Variants in PALM3 observed in about 807,000 individuals in gnomAD.
PALM3 encodes paralemmin-3.
PALM3 carries 20 observed loss-of-function variants against 27.9 expected under a neutral mutation model. The ratio of observed to expected loss-of-function variants is 0.72; its 90% CI spans 0.50 to 1.04. The LOEUF (loss-of-function observed/expected upper bound fraction) is 1.04. Among genes scored for constraint, PALM3 ranks in the 50% least tolerant of loss-of-function variants. The probability of loss-of-function intolerance (pLI) is 0.00; values close to 1 mark genes in which losing one functional copy is unlikely to be tolerated. For synonymous variants in PALM3, 328 were observed against 352.7 expected, an observed-to-expected ratio of 0.93 and a Z score of 0.79; for missense variants, 814 against 869.4, an observed-to-expected ratio of 0.94 and a Z score of 0.80.
chr19:14,058,261 G>A (rs1338921865), intron 2 of PALM3, among the ~76,000 whole-genome samples: 2 of 146,854 alleles, frequency 1.4e-5, no homozygotes, highest in African/African-American at 2.5e-5. Context: ...CAGAAGTGGG[G>A]TACAGTGAGA....
chr19:14,057,730 AG>A (rs1976335967), intron 2 of PALM3: 1 of 4,326 alleles, frequency 2.3e-4, no homozygotes, highest in Admixed American at 2.0e-3. Flanking sequence ...TGGGGGGTGT[AG>A]GGGGTGGGGC....
At chr19:14,055,496 C>T in intron 5 of PALM3, 71 bp from the exon 6 acceptor site, 1 of 1,472,846 alleles carries the variant, frequency 6.8e-7, no homozygotes, top group Non-Finnish European at 9.3e-7. Flanking sequence ...ATGCTAGGCT[C>T]CCACCCCACC....
In PALM3 at chr19:14,054,919, C is replaced by T. The variant is rs1002797197; in HGVS notation, c.753G>A (p.Thr251=). The change falls in exon 7 of 7, where the codon ACG becomes ACA. Residue 251 remains threonine, a synonymous_variant. Coordinates refer to ENST00000669674, the MANE Select transcript of PALM3 (RefSeq NM_001145028.2). ...CCACCTTAGCCTCCAGCTCGGGGCC[C>T]GTGGCCCCTGTGGCACAGTCCTCTG... ...RATEDCATGA[T]GPELEAKVEE... is the part of the protein sequence containing the mutation. 2.0e-5 allele frequency: 31 copies of T among 1,549,274 alleles called. No homozygotes were observed. The East Asian group carries it at 3.2e-4, about 16-fold the overall frequency.
In PALM3 at chr19:14,053,905, T is replaced by TCCTTCCTGG. The variant is rs1342710580; in HGVS notation, c.1766_1767insCCAGGAAGG (p.Gly589_Pro590insGlnGluGly). On this transcript the variant is annotated inframe_insertion, in exon 7 of 7. Transcript: ENST00000669674. ...CTACTGGCTTCTCCTGGGGCTGGGG[T>TCCTTCCTGG]CCTTCCTTCTCTGGCCTTGTCTCCG... 25 of 1,551,218 alleles carry TCCTTCCTGG rather than the reference T, an allele frequency of 1.6e-5. No individual in the cohort carries two copies. In the Admixed American group the frequency reaches 4.9e-4, roughly 30 times the overall value.
chr19:14,059,226 A>T, intron 1 of PALM3, 63 bp from the exon 2 acceptor site: 7 of 1,390,464 alleles, frequency 5.0e-6, no homozygotes, highest in Non-Finnish European at 5.7e-6. Context: ...CTTGGCCAAG[A>T]TCCCTGAGCA....
intron 6 of PALM3, 49 bp from the exon 7 acceptor site, chr19:14,055,275 T>TAAGATGGGACAAAAGGGAAGACAGGGTG: frequency 6.6e-7 from 1 of 1,525,518 alleles, no homozygotes; most frequent in Non-Finnish European, 8.8e-7. Context: ...AAGACAGGGT[T>TAAGATGGGACAAAAGGGAAGACAGGGTG]AAGATGGAAC....
In PALM3 at chr19:14,053,461, G is replaced by C; in HGVS notation, c.*144C>G. On this transcript the variant is annotated 3_prime_UTR_variant, in exon 7 of 7. Coordinates refer to ENST00000669674, the MANE Select transcript of PALM3 (RefSeq NM_001145028.2). ...GTGGGCAAGGGGTCTGGAAGCCCAG[G>C]TTTAGGTGGACGTGCAGGCTAGCTG... is the stretch of plus-strand genomic sequence containing the variant. 1.0e-6 allele frequency: 1 copy of C among 957,548 alleles called. No individual in the cohort carries two copies. The highest frequency in any genetic ancestry group is 1.7e-5 in the African/African-American group (1 of 60,044). The allele number at this position is 957,548 out of a possible 1,614,324, so 59.3% of individuals were successfully genotyped here.
At chr19:14,056,828 G>A in intron 3 of PALM3, 24 bp from the exon 4 acceptor site, 1 of 1,530,980 alleles carries the variant, frequency 6.5e-7, no homozygotes, top group South Asian at 1.3e-5. Flanking sequence ...GGGAGTTGGG[G>A]CTGGGCATAC....
chr19:14,056,708 C>T lies in PALM3; in HGVS notation c.268G>A (p.Gly90Ser), dbSNP rs1368148956. 3 of 1,551,640 alleles carry T rather than the reference C, an allele frequency of 1.9e-6. No individual in the cohort carries two copies. In the Admixed American group the frequency reaches 5.9e-5, roughly 30 times the overall value. Residue 90 changes from glycine to serine, a missense_variant, in exon 4 of 7, where the codon GGC (glycine) becomes AGC (serine). By Grantham distance (56) the Gly-to-Ser change is moderately conservative. Coordinates refer to ENST00000669674, the MANE Select transcript of PALM3 (RefSeq NM_001145028.2). ...TTCCGGATTCGGGCCTGAGCCTGGC[C>T]CTCGGGTGACTGGGGGTCCTTCGAG... is the stretch of plus-strand genomic sequence containing the variant. Reference protein sequence around the residue: ...PTSKDPQSPEGQAQARIRNLE... With the variant: ...PTSKDPQSPESQAQARIRNLE...
chr19:14,058,321 G>A (rs779990137), intron 2 of PALM3, among the ~76,000 whole-genome samples: 30 of 150,270 alleles, frequency 2.0e-4, no homozygotes, highest in Non-Finnish European at 3.1e-4. Context: ...AGTTGAGTGC[G>A]AAGAGATAGG....
At chr19:14,059,650 G>A (rs755742578) in intron 1 of PALM3, among the ~76,000 whole-genome samples, 38 of 152,102 alleles carry the variant, frequency 2.5e-4, no homozygotes, top group African/African-American at 9.2e-4. Context: ...GCCCCTAACA[G>A]GCTGTGTGCC....
rs1388722120 is a variant in PALM3 at position 14,059,771 on chromosome 19, C to T, written c.42-608G>A. ...GGCCCTCCCACTGTTGCCATGGTAA[C>T]CCCAGAGCTGCCTCCTCCACCTGCT... On this transcript the variant is annotated intron_variant, in intron 1 of 6. Transcript: ENST00000669674. 2.0e-5 allele frequency among the ~76,000 whole-genome samples: 3 copies of T among 152,064 alleles called. No homozygotes were observed. The East Asian group carries it at 5.8e-4, about 29-fold the overall frequency.
upstream of PALM3, chr19:14,062,076 TGGG>T: frequency 1.3e-6 from 1 of 777,218 alleles, no homozygotes; most frequent in Non-Finnish European, 1.6e-6. Flanking sequence ...CTGCCTGGAG[TGGG>T]GGGGGGCTGC....
rs939682897 is a variant in PALM3, at chr19:14,054,789, C to G, written c.883G>C (p.Gly295Arg). 4 of 1,550,834 alleles carry G rather than the reference C, an allele frequency of 2.6e-6. No individual in the cohort carries two copies. Among genetic ancestry groups the G allele is most frequent in the African/African-American group, 2.7e-5 (2 of 73,152 alleles). Residue 295 changes from glycine (G) to arginine (R), a missense_variant, in exon 7 of 7, where the codon GGG becomes CGG. Gly to Arg is a moderately radical substitution (Grantham distance 125). Transcript: ENST00000669674. ...DRGIVEVVWE[G>R]VGGSDAEAMG... ...GCCTCTGCATCACTGCCACCCACCC[C>G]CTCCCAGACCACCTCCACGATGCCC...
chr19:14,061,750 T>A (rs891224943), intron 1 of PALM3, among the ~76,000 whole-genome samples, 190 bp downstream of exon 1: 1 of 150,446 alleles, frequency 6.6e-6, no homozygotes, highest in African/African-American at 2.4e-5. Context: ...TATATCTCTC[T>A]CCCACCCCTT....
chr19:14,054,409 A>C lies in PALM3; in HGVS notation c.1263T>G (p.Ser421Arg). ...CCCTCCCTGTCCCTGGCTTTTCCTCACTTCCTATTCCCATGGATTCTTCCG... is the reference window on the plus strand; with the variant it reads ...CCCTCCCTGTCCCTGGCTTTTCCTCCCTTCCTATTCCCATGGATTCTTCCG... ...RKAEESMGIG[S>R]EEKPGTGRDE... The change falls in exon 7 of 7, where the codon AGT becomes AGG. Residue 421 changes from serine to arginine, a missense_variant. By Grantham distance (110) the Ser-to-Arg change is moderately radical. Transcript: ENST00000669674. 2 of 1,549,188 alleles carry C rather than the reference A, an allele frequency of 1.3e-6. No individual in the cohort carries two copies. The highest frequency in any genetic ancestry group is 8.7e-7 in the Non-Finnish European group (1 of 1,146,222).
At position 14,056,683 on chromosome 19, in the gene PALM3, T is replaced by C. The variant is rs1173091899; in HGVS notation, c.293A>G (p.Asn98Ser). The C allele has an allele frequency of 2.6e-6, 4 of 1,551,600 alleles. No homozygotes were observed. The African/African-American group carries it at 5.5e-5, about 21-fold the overall frequency. The change falls in exon 4 of 7, where the codon AAC (asparagine) becomes AGC (serine). Residue 98 changes from asparagine (N) to serine (S), a missense_variant. Asn to Ser is a conservative substitution (Grantham distance 46, BLOSUM62 1). Coordinates refer to ENST00000669674, the MANE Select transcript of PALM3 (RefSeq NM_001145028.2). ...TCACGTGAACAAACTGTCTTCCAGG[T>C]TCCGGATTCGGGCCTGAGCCTGGCC... is the stretch of plus-strand genomic sequence containing the variant. ...PEGQAQARIR[N>S]LEDSLFTLQS...
In PALM3 at chr19:14,053,978, G is replaced by A. The variant is rs763596273; in HGVS notation, c.1694C>T (p.Ser565Phe). Residue 565 changes from serine (S) to phenylalanine (F), a missense_variant, in exon 7 of 7, where the codon TCC becomes TTC. Transcript: ENST00000669674. ...LEQGSREGSESQAEEMNEAGP... is the reference protein window; with the variant it reads ...LEQGSREGSEFQAEEMNEAGP... ...TGCCTCATTCATCTCCTCTGCCTGG[G>A]ATTCACTTCCTTCCCTAGACCCTTG... 15 of 1,551,634 alleles carry A rather than the reference G, an allele frequency of 9.7e-6. No individual in the cohort carries two copies. The South Asian group carries it at 1.8e-4, about 18-fold the overall frequency.
intron 1 of PALM3, among the ~76,000 whole-genome samples, chr19:14,061,640 C>T (rs541531426): frequency 1.3e-5 from 2 of 152,298 alleles, no homozygotes; most frequent in Non-Finnish European, 2.9e-5. Flanking sequence ...TGACCTTCCC[C>T]ACTCCCTGCA....
Sources: allele counts gnomAD v4.1 joint callset (sites outside exome capture counted in the v4.1 genomes callset), GRCh38; gene constraint gnomAD v4.1.1; transcripts MANE v1.5; gene names NCBI Gene and HGNC (gene_info 2026-07-23, HGNC 2026-07-21).